The following FRMD3 variants were observed in gnomAD, a reference collection of about 807,000 sequenced individuals.
FRMD3 encodes the protein FERM domain containing 3.
A neutral mutation model predicts 70.2 loss-of-function variants in FRMD3; 33 were observed. The ratio of observed to expected loss-of-function variants is 0.47; its 90% CI spans 0.36 to 0.63. The LOEUF is 0.63. FRMD3 is among the 20% of genes least tolerant of loss of function. FRMD3 has a pLI of 0.00. For missense variants in FRMD3, 632 were observed against 711.4 expected (o/e 0.89, Z 1.27); for synonymous variants, 279 against 255.9 (o/e 1.09, Z -0.86).
chr9:83,246,634 C>T lies in FRMD3; in HGVS notation c.*1284G>A. On this transcript the variant is annotated 3_prime_UTR_variant, in exon 14 of 14. Coordinates refer to ENST00000304195, the MANE Select transcript of FRMD3 (RefSeq NM_174938.6). ...TGATCATGGACATGTATCAAAAAGCCATTCATATTCTCTCTCTCTCTCTCT... is the reference window on the plus strand; with the variant it reads ...TGATCATGGACATGTATCAAAAAGCTATTCATATTCTCTCTCTCTCTCTCT... 2 of 928,228 alleles carry T rather than the reference C, an allele frequency of 2.2e-6. No individual in the cohort carries two copies. The highest frequency in any genetic ancestry group is 2.5e-6 in the Non-Finnish European group (2 of 787,732). 57.5% of individuals were successfully genotyped at this position (928,228 alleles called of 1,614,324 possible). A position where few individuals can be genotyped will look rare whatever the true frequency, so the allele number is the denominator to read the frequency against.
chr9:83,339,601 T>C (rs1823690149), intron 5 of FRMD3, among the ~76,000 whole-genome samples: 1 of 152,214 alleles, frequency 6.6e-6, no homozygotes, highest in African/African-American at 2.4e-5. Context: ...GCAGGACCTT[T>C]AGCTCCAGGG....
At chr9:83,542,856 T>C (rs1830014133), upstream of FRMD3, among the ~76,000 whole-genome samples, 1 of 152,168 alleles carries the variant, frequency 6.6e-6, no homozygotes, top group South Asian at 2.1e-4. Flanking sequence ...GGAGAAAGGA[T>C]AATCTTTTTG....
chr9:83,424,955 T>C (rs995864986), intron 1 of FRMD3, among the ~76,000 whole-genome samples: 2 of 152,208 alleles, frequency 1.3e-5, no homozygotes, highest in African/African-American at 4.8e-5. Context: ...CTGCTCCAAC[T>C]AGTATGAAAA....
intron 1 of FRMD3, among the ~76,000 whole-genome samples, chr9:83,534,835 C>G (rs1037748952): frequency 2.0e-4 from 31 of 152,170 alleles, no homozygotes; most frequent in Admixed American, 1.4e-3. Context: ...CCCTGGAAGA[C>G]CCAGGACACA....
chr9:83,452,077 G>A (rs1013572662), intron 1 of FRMD3, among the ~76,000 whole-genome samples: 17 of 152,134 alleles, frequency 1.1e-4, no homozygotes, highest in African/African-American at 3.9e-4. Context: ...CCCCTTTTCT[G>A]GGCTCTTAGA....
At chr9:83,386,219 G>A (rs1825506966) in intron 2 of FRMD3, among the ~76,000 whole-genome samples, 1 of 152,174 alleles carries the variant, frequency 6.6e-6, no homozygotes, top group Non-Finnish European at 1.5e-5. Context: ...ATATCTTTCT[G>A]AGTCCAAAGT....
At chr9:83,332,050 C>A (rs1462087107) in intron 6 of FRMD3, 2 of 619,408 alleles carry the variant, frequency 3.2e-6, no homozygotes, top group African/African-American at 3.7e-5. Flanking sequence ...GGGCGGAGCC[C>A]CCCAGCTGGC....
chr9:83,247,779 C>A lies in FRMD3; in HGVS notation c.*139G>T. The A allele has an allele frequency of 6.8e-7, 1 of 1,480,774 alleles. No homozygotes were observed. Among genetic ancestry groups the A allele is most frequent in the Non-Finnish European group, 8.9e-7 (1 of 1,120,966 alleles). 91.7% of individuals were successfully genotyped at this position (1,480,774 alleles called of 1,614,324 possible). A position where few individuals can be genotyped will look rare whatever the true frequency, so the allele number is the denominator to read the frequency against. ...TTTAAGTGCAGTGAATTATGGAAAG[C>A]TAACTTAAAGGTTTGAATAATCAAT... On this transcript the variant is annotated 3_prime_UTR_variant, in exon 14 of 14. Coordinates refer to ENST00000304195, the MANE Select transcript of FRMD3 (RefSeq NM_174938.6).
rs1052765176 is a variant in FRMD3 at position 83,537,086 on chromosome 9, G to A, written c.147+999C>T. 4.6e-5 allele frequency among the ~76,000 whole-genome samples: 7 copies of A among 152,098 alleles called. No individual in the cohort carries two copies. The highest frequency in any genetic ancestry group is 1.4e-4 in the African/African-American group (6 of 41,414). On this transcript the variant is annotated intron_variant, in intron 1 of 13. Transcript: ENST00000304195. The surrounding 1 kb of genome is among the most constrained non-coding windows in gnomAD (Gnocchi z 4.1). ...GACACAACCTTTCCTGATTGTGTGC[G>A]CACCGAGTGGGGCATCTTTGGGGTC...
chr9:83,536,894 C>T (rs1297365646), intron 1 of FRMD3, among the ~76,000 whole-genome samples: 1 of 141,152 alleles, frequency 7.1e-6, no homozygotes, highest in Non-Finnish European at 1.5e-5. Flanking sequence ...CCCCACTCAC[C>T]TCCCACTGAC....
chr9:83,261,608 C>T (rs1832999671), intron 13 of FRMD3, among the ~76,000 whole-genome samples: 1 of 152,178 alleles, frequency 6.6e-6, no homozygotes, highest in African/African-American at 2.4e-5. Context: ...TACCCTCTTT[C>T]TTGGTGTTTC....
intron 1 of FRMD3, among the ~76,000 whole-genome samples, chr9:83,504,291 C>T (rs1358886613): frequency 6.6e-6 from 1 of 152,174 alleles, no homozygotes; most frequent in South Asian, 2.1e-4. Flanking sequence ...GTTTTCACCT[C>T]CTAATGGGTC....
intron 6 of FRMD3, among the ~76,000 whole-genome samples, chr9:83,333,577 A>T (rs770280836): frequency 4.6e-5 from 7 of 152,166 alleles, no homozygotes; most frequent in Non-Finnish European, 8.8e-5. Context: ...AACGCCTCTC[A>T]TGACTCTCTT....
chr9:83,259,492 G>A (rs1043932906), intron 13 of FRMD3, among the ~76,000 whole-genome samples: 8 of 152,138 alleles, frequency 5.3e-5, no homozygotes, highest in African/African-American at 1.9e-4. Flanking sequence ...CTCACACTTT[G>A]ATTCTGCCTT....
rs1413840340 is a variant in FRMD3, at chr9:83,420,091, G to A, written c.148-30383C>T. Among the ~76,000 whole-genome samples the A allele has an allele frequency of 2.6e-5, 4 of 152,138 alleles. No homozygotes were observed. In the South Asian group the frequency reaches 8.3e-4, roughly 31 times the overall value. On this transcript the variant is annotated intron_variant, in intron 1 of 13. Coordinates refer to ENST00000304195, the MANE Select transcript of FRMD3 (RefSeq NM_174938.6). ...GTTGCCAAAAACATGGTTCCTTCAT[G>A]GCTCTGTTCCCAAAATGATATGTCC...
chr9:83,515,706 G>A (rs1395499825), intron 1 of FRMD3, among the ~76,000 whole-genome samples: 2 of 152,156 alleles, frequency 1.3e-5, no homozygotes, highest in South Asian at 2.1e-4. Context: ...AAAATGTTAA[G>A]GGCAGCCAGA....
chr9:83,411,712 A>T (rs934371728), intron 1 of FRMD3, among the ~76,000 whole-genome samples: 1 of 152,240 alleles, frequency 6.6e-6, no homozygotes, highest in Non-Finnish European at 1.5e-5. Context: ...CTATTTCACT[A>T]CTGTTCACTA....
chr9:83,515,513 T>C (rs1045168530), intron 1 of FRMD3, among the ~76,000 whole-genome samples: 8 of 152,172 alleles, frequency 5.3e-5, no homozygotes, highest in Admixed American at 1.3e-4. Context: ...CTGAAAGTGA[T>C]GGGAGAATGG....
chr9:83,559,268 T>A, the FRMD3 span, among the ~76,000 whole-genome samples: 1 of 152,210 alleles, frequency 6.6e-6, no homozygotes, highest in Non-Finnish European at 1.5e-5. Flanking sequence ...CACCCCAAGC[T>A]GTAGCAACCA....
Sources: allele counts gnomAD v4.1 joint callset (sites outside exome capture counted in the v4.1 genomes callset), GRCh38; gene constraint gnomAD v4.1.1; non-coding constraint Gnocchi (gnomAD v3.1); transcripts MANE v1.5; gene names NCBI Gene and HGNC (gene_info 2026-07-23, HGNC 2026-07-21).